SETD2: variants seen among roughly 807,000 people sequenced by gnomAD.
SETD2 encodes histone-lysine N-methyltransferase SETD2.
Under a neutral mutation model 242.1 loss-of-function variants are expected in SETD2, and 31 were observed. That is an observed-to-expected ratio of 0.13 (90% CI 0.10 to 0.17). SETD2 has a LOEUF of 0.17. Among genes scored for constraint, SETD2 ranks in the 10% least tolerant of loss-of-function variants. The probability of loss-of-function intolerance (pLI) is 1.00; values close to 1 mark genes in which losing one functional copy is unlikely to be tolerated. For synonymous variants in SETD2, 1,006 were observed against 1,066.5 expected (o/e 0.94, Z 1.11); for missense variants, 2,481 against 3,046.3 (o/e 0.81, Z 4.37).
At chr3:47,075,179 A>G (rs1575731885) in intron 12 of SETD2, among the ~76,000 whole-genome samples, 1 of 151,986 alleles carries the variant, frequency 6.6e-6, no homozygotes, top group African/African-American at 2.4e-5. Context: ...GGAAAAAAAG[A>G]TACTTGAACA....
In SETD2 at chr3:47,123,552, C is replaced by G. The variant is rs1296937706; in HGVS notation, c.1084G>C (p.Asp362His). 4 of 1,550,406 alleles carry G rather than the reference C, an allele frequency of 2.6e-6. No homozygotes were observed. The highest frequency in any genetic ancestry group is 2.6e-6 in the Non-Finnish European group (3 of 1,146,984). The change falls in exon 3 of 21, where the codon GAT becomes CAT. Residue 362 changes from aspartate (D) to histidine (H), a missense_variant. Physicochemically the swap from Asp to His is moderately conservative, Grantham distance 81 (BLOSUM62 -1). Transcript: ENST00000409792. ...TTAGATCGTGAAGGTTTCCCTAGAT[C>G]CTCACTTTTTAAAGGTGCTGAGCTC... ...KKSSAPLKSE[D>H]LGKPSRSKTD...
At chr3:47,073,551 G>A (rs561331586) in intron 12 of SETD2, among the ~76,000 whole-genome samples, 1 of 152,158 alleles carries the variant, frequency 6.6e-6, no homozygotes, top group South Asian at 2.1e-4. Flanking sequence ...AAGAGTGAGA[G>A]GGAGAAGAGG....
chr3:47,153,417 T>A (rs1401297230), intron 1 of SETD2, among the ~76,000 whole-genome samples: 1 of 152,150 alleles, frequency 6.6e-6, no homozygotes, highest in Non-Finnish European at 1.5e-5. Context: ...TTGTCTTAGC[T>A]CTGTTGGCCA....
chr3:47,136,091 T>C (rs994219634), intron 1 of SETD2, among the ~76,000 whole-genome samples: 12 of 152,166 alleles, frequency 7.9e-5, no homozygotes, highest in Non-Finnish European at 1.5e-4. Flanking sequence ...ATGGTCAAAA[T>C]TGAACTGATG....
chr3:47,031,909 T>A lies in SETD2; in HGVS notation c.7350+5757A>T, dbSNP rs529454750. 2.2e-3 allele frequency among the ~76,000 whole-genome samples: 329 copies of A among 152,300 alleles called. 1 individual carries two copies. Among genetic ancestry groups the A allele is most frequent in the African/African-American group, 7.3e-3 (304 of 41,570 alleles). On this transcript the variant is annotated intron_variant, in intron 18 of 20. Transcript: ENST00000409792. ...CATATAACAATAATATAATTTTTTGTGAAAAGTAACTGTTTTCCAAAACTA... is the reference window on the plus strand; with the variant it reads ...CATATAACAATAATATAATTTTTTGAGAAAAGTAACTGTTTTCCAAAACTA...
chr3:47,092,329 G>C (rs9850277), intron 9 of SETD2, among the ~76,000 whole-genome samples: 38 of 152,066 alleles, frequency 2.5e-4, no homozygotes, highest in African/African-American at 9.2e-4. Flanking sequence ...GGAGACAGAG[G>C]TGGGAAGACT....
At chr3:47,023,306 A>G (rs994182862) in intron 18 of SETD2, among the ~76,000 whole-genome samples, 1 of 152,162 alleles carries the variant, frequency 6.6e-6, no homozygotes, top group African/African-American at 2.4e-5. Context: ...AGGCTGAGGC[A>G]GGAGAACTGC....
At chr3:47,050,058 A>G (rs887178475) in intron 15 of SETD2, among the ~76,000 whole-genome samples, 6 of 149,588 alleles carry the variant, frequency 4.0e-5, no homozygotes, top group Non-Finnish European at 4.4e-5. Context: ...TAGAGGAAAC[A>G]TGACCAAGTA....
At chr3:47,059,357 C>G (rs2040235510) in intron 14 of SETD2, among the ~76,000 whole-genome samples, 1 of 151,658 alleles carries the variant, frequency 6.6e-6, no homozygotes, top group Non-Finnish European at 1.5e-5. Flanking sequence ...CTCAAGTGAT[C>G]CGCCCGCCTC....
At chr3:47,149,271 T>G (rs1036410946) in intron 1 of SETD2, among the ~76,000 whole-genome samples, 1 of 152,140 alleles carries the variant, frequency 6.6e-6, no homozygotes, top group African/African-American at 2.4e-5. Context: ...AACTAGCTAG[T>G]GAGCACAACC....
rs570836076 is a variant in SETD2 at position 47,088,754 on chromosome 3, G to A, written c.5143-507C>T. Among the ~76,000 whole-genome samples, 191 of 152,084 alleles carry A rather than the reference G, an allele frequency of 1.3e-3. 2 individuals are homozygous for A. Among genetic ancestry groups the A allele is most frequent in the Non-Finnish European group, 9.1e-4 (62 of 67,982 alleles). On this transcript the variant is annotated intron_variant, in intron 9 of 20. Transcript: ENST00000409792. Reference sequence around the variant, plus strand: ...ATGAATGACCCAGCTGATAGGGGCCGGGTGCTTCAGAAAAAAATAAAGCAT... The same window carrying A: ...ATGAATGACCCAGCTGATAGGGGCCAGGTGCTTCAGAAAAAAATAAAGCAT...
At chr3:47,164,838 T>C (rs1697624484), upstream of SETD2, among the ~76,000 whole-genome samples, 1 of 152,084 alleles carries the variant, frequency 6.6e-6, no homozygotes, top group Non-Finnish European at 1.5e-5. This position sits in a 1 kb window ranked among gnomAD's most constrained non-coding sequence, Gnocchi z 5.4. Context: ...ACCCGAAGTC[T>C]CCAAGGCGGC....
rs2107485379 is a variant in SETD2 at position 47,017,206 on chromosome 3, C to T, written c.7582G>A (p.Glu2528Lys). The T allele has an allele frequency of 6.2e-7, 1 of 1,614,190 alleles. No homozygotes were observed. Among genetic ancestry groups the T allele is most frequent in the Non-Finnish European group, 8.5e-7 (1 of 1,180,046 alleles). Residue 2528 changes from glutamate (E) to lysine (K), a missense_variant, in exon 21 of 21, where the codon GAG (glutamate) becomes AAG (lysine). Coordinates refer to ENST00000409792, the MANE Select transcript of SETD2 (RefSeq NM_014159.7). The surrounding 1 kb of genome is among the most constrained non-coding windows in gnomAD (Gnocchi z 4.8). ...NKELKYCKNPEDLECNENVKH... is the reference protein window; with the variant it reads ...NKELKYCKNPKDLECNENVKH... ...ACATTCTCATTGCACTCCAGGTCCT[C>T]AGGATTCTTACAGTACTTCAGCTCC...
At chr3:47,119,285 T>C (rs1248293117) in intron 3 of SETD2, among the ~76,000 whole-genome samples, 1 of 152,220 alleles carries the variant, frequency 6.6e-6, no homozygotes, top group Non-Finnish European at 1.5e-5. Flanking sequence ...TTTTCATTAC[T>C]CTTATTCTCA....
intron 15 of SETD2, among the ~76,000 whole-genome samples, chr3:47,056,094 TTTTATTTA>T (rs145910690): frequency 0.013 from 1,504 of 116,388 alleles, 34 homozygotes; most frequent in African/African-American, 0.044. Flanking sequence ...AAAACATGAT[TTTTATTTA>T]TTTATTTATT....
chr3:47,060,245 G>C (rs1162051268), intron 14 of SETD2, among the ~76,000 whole-genome samples: 1 of 152,172 alleles, frequency 6.6e-6, no homozygotes, highest in Non-Finnish European at 1.5e-5. Context: ...TTGGGCAACA[G>C]AGTAAGACCC....
rs777231957 is a variant in SETD2, at chr3:47,122,947, T to C, written c.1689A>G (p.Ile563Met). Residue 563 changes from isoleucine to methionine, a missense_variant, in exon 3 of 21, where the codon ATA becomes ATG. By Grantham distance (10) the Ile-to-Met change is conservative. This residue lies in a region of SETD2 where 1,300 missense variants were observed against 1,259.2 expected (regional missense o/e 1.03). Coordinates refer to ENST00000409792, the MANE Select transcript of SETD2 (RefSeq NM_014159.7). Reference sequence around the variant, plus strand: ...AATTTTTAAATTTATCAGACTTGGGTATAGGTTTTGAAAGGGTAGATTTAT... The same window carrying C: ...AATTTTTAAATTTATCAGACTTGGGCATAGGTTTTGAAAGGGTAGATTTAT... Reference protein sequence around the residue: ...SRYKSTLSKPIPKSDKFKNSF... With the variant: ...SRYKSTLSKPMPKSDKFKNSF... 1.9e-6 allele frequency: 3 copies of C among 1,613,400 alleles called. No individual in the cohort carries two copies. Among genetic ancestry groups the C allele is most frequent in the Non-Finnish European group, 2.5e-6 (3 of 1,179,646 alleles).
At chr3:47,042,282 A>G (rs1327313648) in intron 17 of SETD2, among the ~76,000 whole-genome samples, 1 of 152,254 alleles carries the variant, frequency 6.6e-6, no homozygotes, top group Non-Finnish European at 1.5e-5. Context: ...GAATCACTTG[A>G]ACATGGGAGC....
Position 47,120,362 on chromosome 3 carries a change from T to C in SETD2, c.4274A>G (p.Lys1425Arg). 6.2e-7 allele frequency: 1 copy of C among 1,613,318 alleles called. No individual in the cohort carries two copies. Among genetic ancestry groups the C allele is most frequent in the Non-Finnish European group, 8.5e-7 (1 of 1,179,756 alleles). Reference sequence around the variant, plus strand: ...CTGCTCTACCTCCACTCTAACTTTCTTTCTGTCCTGAAGCTCACCATCACT... The same window carrying C: ...CTGCTCTACCTCCACTCTAACTTTCCTTCTGTCCTGAAGCTCACCATCACT... Reference protein sequence around the residue: ...SESDGELQDRKKVRVEVEQGE... With the variant: ...SESDGELQDRRKVRVEVEQGE... The change falls in exon 3 of 21, where the codon AAG becomes AGG. Residue 1425 changes from lysine to arginine, a missense_variant. Coordinates refer to ENST00000409792, the MANE Select transcript of SETD2 (RefSeq NM_014159.7).
Sources: allele counts gnomAD v4.1 joint callset (sites outside exome capture counted in the v4.1 genomes callset), GRCh38; gene constraint gnomAD v4.1.1; regional missense constraint gnomAD v4.1.1; non-coding constraint Gnocchi (gnomAD v3.1); transcripts MANE v1.5; gene names NCBI Gene and HGNC (gene_info 2026-07-23, HGNC 2026-07-21).